FGFR3: variants seen among roughly 807,000 people sequenced by gnomAD.
FGFR3 encodes the protein FGFR-3.
A neutral mutation model predicts 82.9 loss-of-function variants in FGFR3; 25 were observed. The observed-to-expected ratio is 0.30, with a 90% confidence interval of 0.22 to 0.42. FGFR3 has a LOEUF of 0.42. Among genes scored for constraint, FGFR3 ranks in the 10% least tolerant of loss-of-function variants. FGFR3 has a pLI of 1.00. For synonymous variants in FGFR3, 620 were observed against 516.0 expected (o/e 1.20, Z -2.73); for missense variants, 1,026 against 1,161.0 (o/e 0.88, Z 1.69).
intron 10 of FGFR3, 108 bp downstream of exon 10, chr4:1,805,077 G>A (rs558114551): frequency 1.8e-5 from 26 of 1,429,126 alleles, no homozygotes; most frequent in East Asian, 5.0e-5. Context: ...GGGATGTGGC[G>A]GATGTTGGGT....
intron 2 of FGFR3, among the ~76,000 whole-genome samples, chr4:1,796,833 G>T (rs1223823001): frequency 1.3e-5 from 2 of 152,182 alleles, no homozygotes; most frequent in African/African-American, 2.4e-5. Flanking sequence ...AGGGCCTGGT[G>T]CCCTCCCTGA....
intron 2 of FGFR3, among the ~76,000 whole-genome samples, chr4:1,797,843 C>T (rs962071533): frequency 7.2e-5 from 11 of 152,140 alleles, no homozygotes; most frequent in Admixed American, 3.9e-4. Flanking sequence ...GGGCACTAGG[C>T]GTGTGTGGCT....
At position 1,806,189 on chromosome 4, in the gene FGFR3, G is replaced by T. The variant is rs2108807858; in HGVS notation, c.1959+16G>T. ...GACGACCAACGTGAGCCCGGCCCTGGGGTGCGGGGGTGGGGGTCATGCCAG... is the reference window on the plus strand; with the variant it reads ...GACGACCAACGTGAGCCCGGCCCTGTGGTGCGGGGGTGGGGGTCATGCCAG... On this transcript the variant is annotated intron_variant, in intron 14 of 17. Transcript: ENST00000440486. The T allele has an allele frequency of 1.9e-6, 3 of 1,612,396 alleles. No homozygotes were observed. Among genetic ancestry groups the T allele is most frequent in the East Asian group, 2.2e-5 (1 of 44,852 alleles).
chr4:1,807,428 C>T lies in FGFR3; in HGVS notation c.*166C>T, dbSNP rs765747483. On this transcript the variant is annotated 3_prime_UTR_variant, in exon 18 of 18. Coordinates refer to ENST00000440486, the MANE Select transcript of FGFR3 (RefSeq NM_000142.5). ...GTGTGTGTGTGTGTGTGCACATCCG[C>T]GTGTGCCTGTGTGCGTGCGCATCTT... The T allele has an allele frequency of 2.0e-4, 209 of 1,064,924 alleles. No individual in the cohort carries two copies. Among genetic ancestry groups the T allele is most frequent in the Non-Finnish European group, 2.5e-4 (182 of 717,892 alleles). The allele number at this position is 1,064,924 out of a possible 1,614,324, so 66.0% of individuals were successfully genotyped here.
At chr4:1,794,980 C>T (rs1577255845) in intron 2 of FGFR3, among the ~76,000 whole-genome samples, 2 of 151,608 alleles carry the variant, frequency 1.3e-5, no homozygotes, top group Admixed American at 1.3e-4. Flanking sequence ...CTCGGCGGCT[C>T]GCGGGGAGGT....
In FGFR3 at chr4:1,802,839, G is replaced by T. The variant is rs962283287; in HGVS notation, c.930+814G>T. On this transcript the variant is annotated intron_variant, in intron 7 of 17. Coordinates refer to ENST00000440486, the MANE Select transcript of FGFR3 (RefSeq NM_000142.5). Reference sequence around the variant, plus strand: ...CCCAGCCTCGATCTGTACCTTGGGGGTCTCCCACATCCTGCCTCGTGCCCG... The same window carrying T: ...CCCAGCCTCGATCTGTACCTTGGGGTTCTCCCACATCCTGCCTCGTGCCCG... 8 of 1,501,430 alleles carry T rather than the reference G, an allele frequency of 5.3e-6. No homozygotes were observed. In the South Asian group the frequency reaches 6.5e-5, roughly 12 times the overall value. The allele number at this position is 1,501,430 out of a possible 1,614,324, so 93.0% of individuals were successfully genotyped here.
rs111973168 is a variant in FGFR3 at position 1,801,282 on chromosome 4, C to T, written c.446-85C>T. 3.4e-5 allele frequency: 49 copies of T among 1,427,126 alleles called. No homozygotes were observed. The African/African-American group carries it at 6.5e-4, about 19-fold the overall frequency. 88.4% of individuals were successfully genotyped at this position (1,427,126 alleles called of 1,614,324 possible). On this transcript the variant is annotated intron_variant, in intron 4 of 17. Coordinates refer to ENST00000440486, the MANE Select transcript of FGFR3 (RefSeq NM_000142.5). ...ACGGGAAACTGAGGCTGGGGATGGGCAGGGGCAGCTCTGGGAAGGGGGTTG... is the reference window on the plus strand; with the variant it reads ...ACGGGAAACTGAGGCTGGGGATGGGTAGGGGCAGCTCTGGGAAGGGGGTTG...
chr4:1,802,847 C>T (rs993433022), intron 7 of FGFR3: 6 of 1,519,968 alleles, frequency 3.9e-6, no homozygotes, highest in Non-Finnish European at 5.3e-6. Context: ...GGGTCTCCCA[C>T]ATCCTGCCTC....
rs556965816 is a variant in FGFR3, at chr4:1,798,656, C to T, written c.110-598C>T. Among the ~76,000 whole-genome samples the T allele has an allele frequency of 2.7e-3, 418 of 152,100 alleles. 3 individuals carry two copies. The highest frequency in any genetic ancestry group is 9.9e-3 in the African/African-American group (410 of 41,462). ...TGCACCTCCTTCCTTCTCGCCTGTTCTGTTCCCTGGCTGTCCATCTGAACT... is the reference window on the plus strand; with the variant it reads ...TGCACCTCCTTCCTTCTCGCCTGTTTTGTTCCCTGGCTGTCCATCTGAACT... On this transcript the variant is annotated intron_variant, in intron 2 of 17. Coordinates refer to ENST00000440486, the MANE Select transcript of FGFR3 (RefSeq NM_000142.5).
At chr4:1,799,554 A>T in intron 3 of FGFR3, 31 bp downstream of exon 3, 1 of 1,550,174 alleles carries the variant, frequency 6.5e-7, no homozygotes, top group Non-Finnish European at 8.7e-7. Context: ...AGCTACAGAA[A>T]GGAGCCGAGT....
Position 1,801,947 on chromosome 4 carries a change from C to T in FGFR3, c.852C>T (p.His284=), listed in dbSNP as rs2108784433. The T allele has an allele frequency of 6.2e-7, 1 of 1,612,850 alleles. No homozygotes were observed. Among genetic ancestry groups the T allele is most frequent in the Non-Finnish European group, 8.5e-7 (1 of 1,179,882 alleles). Residue 284 remains histidine (H), a synonymous_variant, in exon 7 of 18, where the codon CAC becomes CAT. Transcript: ENST00000440486. ...HCKVYSDAQP[H]IQWLKHVEVN... ...AGGTGTACAGTGACGCACAGCCCCA[C>T]ATCCAGTGGCTCAAGCACGTGGAGG...
intron 1 of FGFR3, 56 bp from the exon 2 acceptor site, chr4:1,793,777 A>ACCGCCGCTTTCGTCCCTGT (rs1720123227): frequency 6.2e-6 from 1 of 161,708 alleles, no homozygotes; most frequent in Non-Finnish European, 1.3e-5. Context: ...GGAGCCGGCC[A>ACCGCCGCTTTCGTCCCTGT]CCGCCGCTTT....
chr4:1,808,470 G>GA lies in FGFR3; in HGVS notation c.*1209dup, dbSNP rs1722239930. The GA allele has an allele frequency of 4.3e-6, 1 of 232,270 alleles. No individual in the cohort carries two copies. Among genetic ancestry groups the GA allele is most frequent in the African/African-American group, 2.2e-5 (1 of 45,264 alleles). 14.4% of individuals were successfully genotyped at this position (232,270 alleles called of 1,614,324 possible). Reference sequence around the variant, plus strand: ...CTAATTGCTGTGTGTCCCAGGCAGGGAGACGGTTTCCAGGGAGGGGCCGGC... The same window carrying GA: ...CTAATTGCTGTGTGTCCCAGGCAGGGAAGACGGTTTCCAGGGAGGGGCCGGC... On this transcript the variant is annotated 3_prime_UTR_variant, in exon 18 of 18. Transcript: ENST00000440486.
At chr4:1,795,252 G>C (rs907949140) in intron 2 of FGFR3, among the ~76,000 whole-genome samples, 1 of 152,164 alleles carries the variant, frequency 6.6e-6, no homozygotes, top group African/African-American at 2.4e-5. Flanking sequence ...CCGGAGGGGC[G>C]GCCGCGGGGG....
intron 4 of FGFR3, 78 bp from the exon 5 acceptor site, chr4:1,801,289 A>G (rs1342374258): frequency 2.1e-6 from 3 of 1,458,532 alleles, no homozygotes; most frequent in African/African-American, 1.4e-5. Flanking sequence ...GGGCAGGGGC[A>G]GCTCTGGGAA....
Position 1,807,547 on chromosome 4 carries a change from G to A in FGFR3, c.*285G>A. ...CACCGAGGGGCCTTTGTTCTGGGGG[G>A]ACCCAGTGCAGAATGTAAGTGGGCC... On this transcript the variant is annotated 3_prime_UTR_variant, in exon 18 of 18. Transcript: ENST00000440486. 1 of 712,478 alleles carries A rather than the reference G, an allele frequency of 1.4e-6. No homozygotes were observed. The highest frequency in any genetic ancestry group is 2.6e-6 in the Non-Finnish European group (1 of 387,220). The allele number at this position is 712,478 out of a possible 1,614,324, so 44.1% of individuals were successfully genotyped here. A position where few individuals can be genotyped will look rare whatever the true frequency, so the allele number is the denominator to read the frequency against.
chr4:1,803,253 GCGCCGACCCTTCC>G (rs911371420), intron 7 of FGFR3: 20 of 702,188 alleles, frequency 2.8e-5, no homozygotes, highest in Non-Finnish European at 4.0e-5. Context: ...CCTGTGGCCT[GCGCCGACCCTTCC>G]CGCACGCCTG....
intron 7 of FGFR3, chr4:1,803,257 C>T (rs1014238351): frequency 1.8e-5 from 12 of 671,680 alleles, no homozygotes; most frequent in Admixed American, 4.0e-5. Context: ...TGGCCTGCGC[C>T]GACCCTTCCC....
At chr4:1,806,401 C>T (rs570807073) in intron 15 of FGFR3, 74 bp downstream of exon 15, 7 of 1,601,816 alleles carry the variant, frequency 4.4e-6, no homozygotes, top group Non-Finnish European at 6.0e-6. Context: ...CAGCTGCAGT[C>T]CCCAGGCCTG....
Sources: gnomAD v4.1 joint callset for allele counts (sites outside exome capture counted in the v4.1 genomes callset) on GRCh38, gnomAD v4.1.1 for gene constraint, MANE v1.5 for transcripts, NCBI Gene and HGNC (gene_info 2026-07-23, HGNC 2026-07-21) for gene names.